The following NRXN1 variants were observed in gnomAD, a reference collection of about 807,000 sequenced individuals.
NRXN1 encodes the protein neurexin 1, also known as neurexin-1.
In NRXN1, 39 loss-of-function variants were observed where a neutral mutation model predicts 150.9. That is an observed-to-expected ratio of 0.26 (90% CI 0.20 to 0.34). NRXN1 has a LOEUF of 0.34. NRXN1 is among the 10% of genes least tolerant of loss of function. The pLI is 1.00. For missense variants in NRXN1, 1,815 were observed against 1,949.9 expected (o/e 0.93, Z 1.30); for synonymous variants, 924 against 757.0 (o/e 1.22, Z -3.62).
chr2:51,007,940 T>C (rs933835615), intron 2 of NRXN1, among the ~76,000 whole-genome samples: 2 of 151,720 alleles, frequency 1.3e-5, no homozygotes, highest in Non-Finnish European at 2.9e-5. Context: ...GAAAGAAAAA[T>C]TAATCTTGCA....
chr2:50,031,649 G>C (rs1169084865), intron 21 of NRXN1, among the ~76,000 whole-genome samples: 1 of 152,040 alleles, frequency 6.6e-6, no homozygotes, highest in Non-Finnish European at 1.5e-5. Flanking sequence ...TGTGTATTTA[G>C]AAAATATCAA....
At chr2:50,142,619 C>A (rs986979738) in intron 18 of NRXN1, among the ~76,000 whole-genome samples, 4 of 151,404 alleles carry the variant, frequency 2.6e-5, no homozygotes, top group Non-Finnish European at 4.4e-5. Context: ...AAAATCAAAC[C>A]ATGAAAGCTA....
intron 18 of NRXN1, among the ~76,000 whole-genome samples, chr2:50,132,250 T>G (rs1394530079): frequency 6.6e-6 from 1 of 151,836 alleles, no homozygotes; most frequent in African/African-American, 2.4e-5. Flanking sequence ...CTGTGAGGTG[T>G]GTACAGATAT....
intron 2 of NRXN1, among the ~76,000 whole-genome samples, chr2:50,952,259 A>C (rs1691511539): frequency 6.6e-6 from 1 of 152,054 alleles, no homozygotes; most frequent in Non-Finnish European, 1.5e-5. Flanking sequence ...AGCCACGAAT[A>C]AATATATTTT....
intron 5 of NRXN1, among the ~76,000 whole-genome samples, chr2:50,702,672 G>T (rs1434622895): frequency 6.6e-6 from 1 of 151,948 alleles, no homozygotes; most frequent in Non-Finnish European, 1.5e-5. Flanking sequence ...ATACATTGCT[G>T]TACTTACATT....
At chr2:50,408,837 ATCTC>A (rs10522429) in intron 17 of NRXN1, among the ~76,000 whole-genome samples, 2,107 of 136,270 alleles carry the variant, frequency 0.015, 50 homozygotes, top group East Asian at 0.12. Flanking sequence ...ATCAATCTCA[ATCTC>A]TCTCTCTCTC....
chr2:50,790,135 C>T lies in NRXN1; in HGVS notation c.832+131734G>A, dbSNP rs1163688991. On this transcript the variant is annotated intron_variant, in intron 5 of 22. Coordinates refer to ENST00000401669, the MANE Select transcript of NRXN1 (RefSeq NM_001330078.2). ...TTTTAACTCTCCTTATTCCCTCCCA[C>T]CACACACACACACACACACACACAC... Among the ~76,000 whole-genome samples the T allele has an allele frequency of 2.0e-5, 3 of 146,924 alleles. No homozygotes were observed. In the East Asian group the frequency reaches 6.0e-4, roughly 29 times the overall value.
At chr2:50,515,711 A>C (rs139402643) in intron 12 of NRXN1, among the ~76,000 whole-genome samples, 1,581 of 151,638 alleles carry the variant, frequency 0.01, 31 homozygotes, top group African/African-American at 0.035. Flanking sequence ...AGGTACTAAC[A>C]AGTTTTATTT....
intron 5 of NRXN1, among the ~76,000 whole-genome samples, chr2:50,716,338 C>T (rs555866031): frequency 1.3e-5 from 2 of 152,072 alleles, no homozygotes; most frequent in South Asian, 4.2e-4. Flanking sequence ...AGGGGAGAAA[C>T]ATTTAGGAAG....
At chr2:49,972,422 A>C in intron 21 of NRXN1, among the ~76,000 whole-genome samples, 1 of 152,236 alleles carries the variant, frequency 6.6e-6, no homozygotes, top group East Asian at 1.9e-4. Flanking sequence ...GAAGGAAAAT[A>C]ATAGTAGATT....
intron 13 of NRXN1, among the ~76,000 whole-genome samples, chr2:50,502,080 T>C (rs2091975673): frequency 6.6e-6 from 1 of 152,130 alleles, no homozygotes; most frequent in South Asian, 2.1e-4. Context: ...GAAATCTCAA[T>C]CTAAAGCTTT....
At chr2:50,773,669 C>A (rs1478797725) in intron 5 of NRXN1, among the ~76,000 whole-genome samples, 1 of 152,136 alleles carries the variant, frequency 6.6e-6, no homozygotes, top group Non-Finnish European at 1.5e-5. Flanking sequence ...GATGAGCTCA[C>A]CACAGAAACT....
intron 18 of NRXN1, among the ~76,000 whole-genome samples, chr2:50,179,644 G>T (rs891454845): frequency 1.3e-5 from 2 of 152,070 alleles, no homozygotes; most frequent in African/African-American, 4.8e-5. Context: ...ATTATAACAT[G>T]CTACCAATCT....
In NRXN1 at chr2:50,683,646, A is replaced by AAAAAAAAAAAATATAT; in HGVS notation, c.833-60032_833-60031insATATATTTTTTTTTTT. ...GACTCCGTCTCAAAAAAAAAAAAAAAATATATATATATATATATATGTTAT... is the reference window on the plus strand; with the variant it reads ...GACTCCGTCTCAAAAAAAAAAAAAAAAAAAAAAAAAATATATATATATATATATATATATATGTTAT... On this transcript the variant is annotated intron_variant, in intron 5 of 22. Coordinates refer to ENST00000401669, the MANE Select transcript of NRXN1 (RefSeq NM_001330078.2). Among the ~76,000 whole-genome samples the AAAAAAAAAAAATATAT allele has an allele frequency of 2.7e-3, 40 of 14,900 alleles. 1 individual carries two copies. The highest frequency in any genetic ancestry group is 0.062 in the Middle Eastern group (1 of 16). The allele number at this position is 14,900 out of a possible 152,430, so 9.8% of individuals were successfully genotyped here.
chr2:50,810,408 C>A (rs1040815065), intron 5 of NRXN1, among the ~76,000 whole-genome samples: 1 of 152,050 alleles, frequency 6.6e-6, no homozygotes, highest in African/African-American at 2.4e-5. Context: ...GAGAGGGAAC[C>A]AGAGAATGTT....
At chr2:50,197,222 T>A (rs2061835245) in intron 18 of NRXN1, among the ~76,000 whole-genome samples, 2 of 152,112 alleles carry the variant, frequency 1.3e-5, no homozygotes, top group Admixed American at 6.6e-5. Flanking sequence ...TGCATAACAG[T>A]TCAAGTACCA....
At chr2:50,472,795 T>TG (rs147494484) in intron 15 of NRXN1, among the ~76,000 whole-genome samples, 3 of 138,564 alleles carry the variant, frequency 2.2e-5, no homozygotes, top group African/African-American at 5.8e-5. Context: ...CCCTACAGCC[T>TG]TGTGTGTGTG....
chr2:50,624,383 G>A (rs1357576574), intron 5 of NRXN1, among the ~76,000 whole-genome samples: 1 of 152,058 alleles, frequency 6.6e-6, no homozygotes, highest in Non-Finnish European at 1.5e-5. Flanking sequence ...ATATTGGATG[G>A]TTCCACTCTG....
At position 51,013,603 on chromosome 2, in the gene NRXN1, A is replaced by T. The variant is rs138152178; in HGVS notation, c.772+13899T>A. 5.2e-3 allele frequency among the ~76,000 whole-genome samples: 791 copies of T among 152,092 alleles called. 7 individuals are homozygous for T. Among genetic ancestry groups the T allele is most frequent in the African/African-American group, 0.018 (756 of 41,504 alleles). On this transcript the variant is annotated intron_variant, in intron 2 of 22. Coordinates refer to ENST00000401669, the MANE Select transcript of NRXN1 (RefSeq NM_001330078.2). ...TACATAACTACAGAACTGAAAATATATTTCAAATGTTACTTAGTCCAGGCT... is the reference window on the plus strand; with the variant it reads ...TACATAACTACAGAACTGAAAATATTTTTCAAATGTTACTTAGTCCAGGCT...
Sources: allele counts gnomAD v4.1 joint callset (sites outside exome capture counted in the v4.1 genomes callset), GRCh38; gene constraint gnomAD v4.1.1; transcripts MANE v1.5; gene names NCBI Gene and HGNC (gene_info 2026-07-23, HGNC 2026-07-21).